Variants in FSHR observed in about 807,000 individuals in gnomAD.
FSHR encodes follicle-stimulating hormone receptor.
A neutral mutation model predicts 52.1 loss-of-function variants in FSHR; 46 were observed. The ratio of observed to expected loss-of-function variants is 0.88; its 90% confidence interval spans 0.70 to 1.13. The LOEUF (loss-of-function observed/expected upper bound fraction) is 1.13, where lower values mean the gene tolerates loss of function less well. Ranked by LOEUF, FSHR falls within the 50% of genes most tolerant of loss-of-function variation. The pLI is 0.00. For missense variants in FSHR, 964 were observed against 834.6 expected, an observed-to-expected ratio of 1.16 and a Z score of -1.91; for synonymous variants, 399 against 309.6, an observed-to-expected ratio of 1.29 and a Z score of -3.03.
chr2:49,134,718 T>C (rs948822180), intron 1 of FSHR, among the ~76,000 whole-genome samples: 9 of 152,348 alleles, frequency 5.9e-5, no homozygotes, highest in African/African-American at 1.9e-4. Context: ...ATATACACCA[T>C]GGAATACTAT....
intron 1 of FSHR, among the ~76,000 whole-genome samples, chr2:49,089,643 T>C (rs953450273): frequency 2.0e-5 from 3 of 152,214 alleles, no homozygotes; most frequent in Admixed American, 6.5e-5. Flanking sequence ...AAACCTTGCA[T>C]TTAACAAAGA....
chr2:48,969,978 C>G (rs1366848699), intron 8 of FSHR, among the ~76,000 whole-genome samples: 10 of 152,148 alleles, frequency 6.6e-5, no homozygotes, highest in African/African-American at 4.8e-5. Context: ...CAAGTGATGA[C>G]CAGGATGAGT....
At chr2:49,096,133 T>G (rs1043154470) in intron 1 of FSHR, among the ~76,000 whole-genome samples, 5 of 152,136 alleles carry the variant, frequency 3.3e-5, no homozygotes, top group Non-Finnish European at 4.4e-5. Flanking sequence ...TTCAAGAGTA[T>G]TAAAAACATG....
chr2:49,124,770 T>A (rs1419073925), intron 1 of FSHR, among the ~76,000 whole-genome samples: 1 of 152,234 alleles, frequency 6.6e-6, no homozygotes, highest in African/African-American at 2.4e-5. Flanking sequence ...CATCTTCCTG[T>A]TTCTCCTTTG....
chr2:49,151,399 G>T (rs1423208128), intron 1 of FSHR, among the ~76,000 whole-genome samples: 1 of 152,064 alleles, frequency 6.6e-6, no homozygotes, highest in African/African-American at 2.4e-5. Flanking sequence ...ACTGCATAAA[G>T]CAAATAGTAG....
intron 1 of FSHR, among the ~76,000 whole-genome samples, chr2:49,128,744 G>C (rs1030430924): frequency 2.0e-5 from 3 of 151,940 alleles, no homozygotes; most frequent in African/African-American, 7.3e-5. Context: ...ACAGCTAGCT[G>C]CTTTAAATGA....
At chr2:49,049,077 G>C (rs550086253) in intron 2 of FSHR, among the ~76,000 whole-genome samples, 17 of 151,576 alleles carry the variant, frequency 1.1e-4, no homozygotes, top group African/African-American at 3.1e-4. Context: ...AAAAAAAAAA[G>C]CTAGAAAAAT....
At chr2:49,143,061 A>G (rs557914283) in intron 1 of FSHR, among the ~76,000 whole-genome samples, 1 of 152,302 alleles carries the variant, frequency 6.6e-6, no homozygotes, top group South Asian at 2.1e-4. Context: ...TGGCACACAT[A>G]TTCTGAATGT....
At chr2:49,138,198 A>G (rs1419972665) in intron 1 of FSHR, among the ~76,000 whole-genome samples, 2 of 152,188 alleles carry the variant, frequency 1.3e-5, no homozygotes, top group Non-Finnish European at 2.9e-5. Context: ...GATTGCTGGA[A>G]TCAAGAAGTC....
chr2:48,978,673 G>A (rs1675102472), intron 8 of FSHR, among the ~76,000 whole-genome samples: 1 of 152,220 alleles, frequency 6.6e-6, no homozygotes, highest in Admixed American at 6.5e-5. Flanking sequence ...TCAGATGGCT[G>A]CTGATGTTCA....
At chr2:48,979,517 A>G (rs930780082) in intron 8 of FSHR, among the ~76,000 whole-genome samples, 2 of 152,120 alleles carry the variant, frequency 1.3e-5, no homozygotes, top group East Asian at 3.9e-4. Context: ...GAGGTGGCTC[A>G]TAGCCGAGTC....
Position 48,983,124 on chromosome 2 carries a change from T to A in FSHR, c.567A>T (p.Ala189=), listed in dbSNP as rs1344370491. The A allele has an allele frequency of 6.2e-7, 1 of 1,614,160 alleles. No individual in the cohort carries two copies. The highest frequency in any genetic ancestry group is 2.2e-5 in the East Asian group (1 of 44,876). The change falls in exon 7 of 10, where the codon GCA becomes GCT. Residue 189 remains alanine, a synonymous_variant. Transcript: ENST00000406846. The stretch of plus-strand genomic sequence containing the variant: ...GCTCATCTAGTTGGGTTCCATTGAA[T>A]GCACAGTTGTGTATTTCTTGAATCC... The part of the protein sequence containing the change: ...KNGIQEIHNC[A]FNGTQLDELN...
chr2:48,994,895 A>G (rs1675954006), intron 4 of FSHR, among the ~76,000 whole-genome samples: 2 of 152,074 alleles, frequency 1.3e-5, no homozygotes, highest in Admixed American at 1.3e-4. Context: ...TTCATGCCTG[A>G]TTGTCCTTAA....
At chr2:49,103,712 G>A (rs1388274929) in intron 1 of FSHR, among the ~76,000 whole-genome samples, 1 of 152,106 alleles carries the variant, frequency 6.6e-6, no homozygotes, top group Admixed American at 6.6e-5. Context: ...TCTAAAGAGT[G>A]TATCTGATTC....
At chr2:49,076,520 G>C (rs751153418) in intron 1 of FSHR, among the ~76,000 whole-genome samples, 1 of 152,130 alleles carries the variant, frequency 6.6e-6, no homozygotes, top group African/African-American at 2.4e-5. Context: ...TGGGGACACA[G>C]AGCCAAACCA....
intron 2 of FSHR, among the ~76,000 whole-genome samples, chr2:49,023,054 A>G (rs917411263): frequency 6.6e-6 from 1 of 152,052 alleles, no homozygotes; most frequent in East Asian, 1.9e-4. Context: ...AGACTTTTTG[A>G]CCCAATGTAC....
intron 1 of FSHR, among the ~76,000 whole-genome samples, chr2:49,127,498 C>G (rs1172305670): frequency 3.3e-5 from 5 of 150,534 alleles, no homozygotes; most frequent in Admixed American, 2.7e-4. Context: ...TACCCTGTTT[C>G]TTTCTCAATG....
intron 1 of FSHR, among the ~76,000 whole-genome samples, chr2:49,150,385 C>T (rs958321080): frequency 2.6e-4 from 39 of 152,074 alleles, no homozygotes; most frequent in African/African-American, 8.9e-4. Context: ...TCTCATATCT[C>T]TTGACTGACT....
rs34913428 is a variant in FSHR, at chr2:49,132,968, TAAAAA to T, written c.152+21293_152+21297del. ...TTCAAGAACATTTATTAAAACTCAG[TAAAAA>T]AAAAAAAAAAAAAAAAAAAAAAGGC... On this transcript the variant is annotated intron_variant, in intron 1 of 9. Transcript: ENST00000406846. 7.8e-3 allele frequency among the ~76,000 whole-genome samples: 378 copies of T among 48,666 alleles called. 5 individuals carry two copies. The highest frequency in any genetic ancestry group is 0.025 in the African/African-American group (290 of 11,792). 31.9% of individuals were successfully genotyped at this position (48,666 alleles called of 152,430 possible).
Sources: gnomAD v4.1 joint callset for allele counts (sites outside exome capture counted in the v4.1 genomes callset) on GRCh38, gnomAD v4.1.1 for gene constraint, MANE v1.5 for transcripts, NCBI Gene and HGNC (gene_info 2026-07-23, HGNC 2026-07-21) for gene names.